Variants in LPP observed in about 807,000 individuals in gnomAD.
LPP encodes the protein LIM domain containing preferred translocation partner in lipoma.
In LPP, 38 loss-of-function variants were observed where a neutral mutation model predicts 60.4. That is an observed-to-expected ratio of 0.63 (90% CI 0.49 to 0.83). The LOEUF (loss-of-function observed/expected upper bound fraction) is 0.83. Ranked by LOEUF, LPP falls within the 40% of genes least tolerant of loss-of-function variation. The pLI, the probability that LPP is intolerant of heterozygous loss-of-function variation, is 0.00. For missense variants in LPP, 902 were observed against 783.6 expected (o/e 1.15, Z -1.80); for synonymous variants, 328 against 290.8 (o/e 1.13, Z -1.30).
chr3:188,274,769 G>T (rs943156485), intron 2 of LPP, among the ~76,000 whole-genome samples: 7 of 152,188 alleles, frequency 4.6e-5, no homozygotes, highest in Admixed American at 3.3e-4. Flanking sequence ...CTTGCAGGCC[G>T]CAAGAATTCC....
At chr3:188,687,758 A>ACCAGCTGTCTTATACTCTTTTTTTT (rs1560066286) in intron 7 of LPP, among the ~76,000 whole-genome samples, 2 of 148,030 alleles carry the variant, frequency 1.4e-5, no homozygotes, top group Admixed American at 6.7e-5. Flanking sequence ...ATCCTGTCTA[A>ACCAGCTGTCTTATACTCTTTTTTTT]CCAGCTGTCT....
At chr3:188,196,707 C>G (rs896956784) in intron 1 of LPP, among the ~76,000 whole-genome samples, 4 of 152,206 alleles carry the variant, frequency 2.6e-5, no homozygotes, top group African/African-American at 7.2e-5. Context: ...AATTAAGAAT[C>G]CTTTGCATGA....
intron 6 of LPP, among the ~76,000 whole-genome samples, chr3:188,571,594 T>G (rs1353891348): frequency 6.6e-6 from 1 of 152,094 alleles, no homozygotes; most frequent in Non-Finnish European, 1.5e-5. Context: ...TTGTAAGTCT[T>G]ATGCCCCCAC....
At position 188,512,685 on chromosome 3, in the gene LPP, A is replaced by G. The variant is rs553047062; in HGVS notation, c.307-11980A>G. 2.6e-5 allele frequency among the ~76,000 whole-genome samples: 4 copies of G among 152,276 alleles called. No homozygotes were observed. The East Asian group carries it at 5.8e-4, about 22-fold the overall frequency. ...GGAATATGGGACATGGGAATTGAAT[A>G]CTTTTTTATGGTTTCCAATTTTGGT... is the stretch of plus-strand genomic sequence containing the variant. On this transcript the variant is annotated intron_variant, in intron 5 of 11. Transcript: ENST00000617246.
At position 188,352,068 on chromosome 3, in the gene LPP, C is replaced by T. The variant is rs1766018297; in HGVS notation, c.-10+10349C>T. ...TTCCTCCCCCCTTGTCATTTTTCTT[C>T]TATTACTTTTGCTTCTTCCCCTTCC... is the stretch of plus-strand genomic sequence containing the variant. On this transcript the variant is annotated intron_variant, in intron 3 of 11. Coordinates refer to ENST00000617246, the MANE Select transcript of LPP (RefSeq NM_001375462.1). This position sits in a 1 kb window ranked among gnomAD's most constrained non-coding sequence, Gnocchi z 4.4. Among the ~76,000 whole-genome samples, 1 of 152,158 alleles carries T rather than the reference C, an allele frequency of 6.6e-6. No homozygotes were observed. Among genetic ancestry groups the T allele is most frequent in the Non-Finnish European group, 1.5e-5 (1 of 68,020 alleles).
intron 7 of LPP, among the ~76,000 whole-genome samples, chr3:188,626,307 T>C (rs1394379631): frequency 6.6e-6 from 1 of 152,174 alleles, no homozygotes; most frequent in Admixed American, 6.6e-5. Flanking sequence ...GCATTTACAT[T>C]GTATTGGGTA....
chr3:188,702,207 C>G (rs369558418), intron 7 of LPP, among the ~76,000 whole-genome samples: 1 of 152,124 alleles, frequency 6.6e-6, no homozygotes, highest in African/African-American at 2.4e-5. Context: ...CCGCCTCCCT[C>G]AGCCTCCCAA....
chr3:188,693,097 G>A (rs774161017), intron 7 of LPP, among the ~76,000 whole-genome samples: 25 of 152,140 alleles, frequency 1.6e-4, no homozygotes, highest in Non-Finnish European at 3.2e-4. Context: ...TGTGTTTATG[G>A]CACATAATTA....
At chr3:188,515,506 C>T (rs776417968) in intron 5 of LPP, among the ~76,000 whole-genome samples, 11 of 152,134 alleles carry the variant, frequency 7.2e-5, no homozygotes, top group African/African-American at 1.4e-4. Flanking sequence ...CCTAATGTAA[C>T]GTTTTTGTGC....
At chr3:188,440,813 T>C (rs899404943) in intron 4 of LPP, among the ~76,000 whole-genome samples, 2 of 152,098 alleles carry the variant, frequency 1.3e-5, no homozygotes, top group Admixed American at 1.3e-4. Flanking sequence ...TTACATATCT[T>C]TACCTCCTTC....
intron 9 of LPP, among the ~76,000 whole-genome samples, chr3:188,828,243 G>A (rs1200956899): frequency 2.6e-5 from 4 of 152,038 alleles, no homozygotes; most frequent in African/African-American, 7.2e-5. Flanking sequence ...TAAGCTGGGA[G>A]GGAAAAGGGA....
chr3:188,870,298 G>A (rs758223380), intron 10 of LPP, among the ~76,000 whole-genome samples: 3 of 152,114 alleles, frequency 2.0e-5, no homozygotes, highest in Non-Finnish European at 2.9e-5. Context: ...ACTGGAAGTC[G>A]TTGCTTATTC....
rs77594493 is a variant in LPP, at chr3:188,345,796, G to A, written c.-10+4077G>A. On this transcript the variant is annotated intron_variant, in intron 3 of 11. Transcript: ENST00000617246. Reference sequence around the variant, plus strand: ...AGAGTGTAGTAATTGTTACCCATCCGATAGAAGGTGCTTAGAGACCACTGG... The same window carrying A: ...AGAGTGTAGTAATTGTTACCCATCCAATAGAAGGTGCTTAGAGACCACTGG... Among the ~76,000 whole-genome samples the A allele has an allele frequency of 2.6e-3, 402 of 152,244 alleles. 4 individuals are homozygous for A. Among genetic ancestry groups the A allele is most frequent in the African/African-American group, 8.7e-3 (361 of 41,522 alleles).
At chr3:188,762,018 T>TG (rs34067068) in intron 9 of LPP, among the ~76,000 whole-genome samples, 2 of 151,658 alleles carry the variant, frequency 1.3e-5, no homozygotes, top group African/African-American at 4.8e-5. Context: ...TGTGTTTTTT[T>TG]ATAGCTCCTG....
intron 5 of LPP, among the ~76,000 whole-genome samples, chr3:188,514,297 T>G (rs973559713): frequency 4.6e-5 from 7 of 152,136 alleles, no homozygotes; most frequent in African/African-American, 1.7e-4. Flanking sequence ...TAGTGTTCGC[T>G]TGTTCATTGT....
chr3:188,874,678 C>T lies in LPP; in HGVS notation c.*199C>T, dbSNP rs1769038584. On this transcript the variant is annotated 3_prime_UTR_variant, in exon 12 of 12. Coordinates refer to ENST00000617246, the MANE Select transcript of LPP (RefSeq NM_001375462.1). ...CATTTCACATTGAATCATGTAGGAT[C>T]TTGATGGGCCTTTGTTCCCAAGGAC... 1 of 558,644 alleles carries T rather than the reference C, an allele frequency of 1.8e-6. No individual in the cohort carries two copies. Among genetic ancestry groups the T allele is most frequent in the Admixed American group, 3.1e-5 (1 of 31,970 alleles). 34.6% of individuals were successfully genotyped at this position (558,644 alleles called of 1,614,324 possible). A position where few individuals can be genotyped will look rare whatever the true frequency, so the allele number is the denominator to read the frequency against.
chr3:188,201,469 G>A (rs766148205), intron 1 of LPP, among the ~76,000 whole-genome samples: 3 of 152,176 alleles, frequency 2.0e-5, no homozygotes, highest in Admixed American at 1.3e-4. Flanking sequence ...CACTCTGGGC[G>A]GCTAAGGCGG....
intron 7 of LPP, among the ~76,000 whole-genome samples, chr3:188,681,964 C>G (rs1304942239): frequency 6.6e-6 from 1 of 152,196 alleles, no homozygotes; most frequent in East Asian, 1.9e-4. Flanking sequence ...GCACCTTGAA[C>G]AGCACCTTTC....
intron 6 of LPP, among the ~76,000 whole-genome samples, chr3:188,602,844 G>A (rs1841670157): frequency 6.6e-6 from 1 of 151,454 alleles, no homozygotes; most frequent in Non-Finnish European, 1.5e-5. Context: ...CTAAACAGTG[G>A]TAAAGCTGGC....
Sources: allele counts gnomAD v4.1 joint callset (sites outside exome capture counted in the v4.1 genomes callset), GRCh38; gene constraint gnomAD v4.1.1; non-coding constraint Gnocchi (gnomAD v3.1); transcripts MANE v1.5; gene names NCBI Gene and HGNC (gene_info 2026-07-23, HGNC 2026-07-21).